HS6ST3: variants seen among roughly 807,000 people sequenced by gnomAD.
The protein encoded by HS6ST3 is heparan sulfate 6-O-sulfotransferase 3.
Under a neutral mutation model 36.7 loss-of-function variants are expected in HS6ST3, and 12 were observed. That is an observed-to-expected ratio of 0.33 (90% CI 0.21 to 0.53). HS6ST3 has a LOEUF of 0.53. Ranked by LOEUF, HS6ST3 falls within the 20% of genes least tolerant of loss-of-function variation. The pLI, the probability that HS6ST3 is intolerant of heterozygous loss-of-function variation, is 0.95. For synonymous variants in HS6ST3, 240 were observed against 257.5 expected (o/e 0.93, Z 0.65); for missense variants, 584 against 640.9 (o/e 0.91, Z 0.96).
chr13:96,361,243 A>G (rs1416279471), intron 1 of HS6ST3, among the ~76,000 whole-genome samples: 3 of 152,188 alleles, frequency 2.0e-5, no homozygotes, highest in Admixed American at 6.5e-5. Flanking sequence ...AGTAACTGAC[A>G]TGGCTCATCC....
intron 1 of HS6ST3, among the ~76,000 whole-genome samples, chr13:96,158,371 A>G (rs2054119812): frequency 1.3e-5 from 2 of 152,084 alleles, no homozygotes; most frequent in African/African-American, 4.8e-5. Flanking sequence ...TAGGAGAGAG[A>G]AAGTAGAGGG....
chr13:96,562,918 G>A (rs1328153317), intron 1 of HS6ST3, among the ~76,000 whole-genome samples: 1 of 151,820 alleles, frequency 6.6e-6, no homozygotes, highest in Non-Finnish European at 1.5e-5. Flanking sequence ...AAAGAAAGCA[G>A]CAAATGCTGA....
intron 1 of HS6ST3, among the ~76,000 whole-genome samples, chr13:96,356,200 C>T (rs2055209298): frequency 6.6e-6 from 1 of 152,200 alleles, no homozygotes. Context: ...AAGGCTTGAA[C>T]CCTTCAAAGT....
intron 1 of HS6ST3, among the ~76,000 whole-genome samples, chr13:96,286,228 G>C (rs563529427): frequency 1.3e-5 from 2 of 151,996 alleles, no homozygotes; most frequent in Non-Finnish European, 2.9e-5. Flanking sequence ...TAGGCAGTTC[G>C]TTCTCCCCTT....
intron 1 of HS6ST3, among the ~76,000 whole-genome samples, chr13:96,645,225 G>A (rs2056584785): frequency 6.6e-6 from 1 of 151,946 alleles, no homozygotes; most frequent in African/African-American, 2.4e-5. Context: ...ACTAAAGCCA[G>A]TTGTGTTCTT....
chr13:96,095,835 C>T (rs1057138826), intron 1 of HS6ST3, among the ~76,000 whole-genome samples: 1 of 147,888 alleles, frequency 6.8e-6, no homozygotes, highest in African/African-American at 2.5e-5. Context: ...TCTGACTCAC[C>T]TTGTATCACA....
chr13:96,127,814 G>T (rs1481292350), intron 1 of HS6ST3, among the ~76,000 whole-genome samples: 1 of 152,164 alleles, frequency 6.6e-6, no homozygotes, highest in African/African-American at 2.4e-5. Context: ...GTGCTCATTG[G>T]TTGCTTAGGA....
intron 1 of HS6ST3, among the ~76,000 whole-genome samples, chr13:96,489,397 CACACACATAT>C (rs1270331934): frequency 6.6e-6 from 1 of 151,736 alleles, no homozygotes; most frequent in Non-Finnish European, 1.5e-5. Flanking sequence ...CACACACACA[CACACACATAT>C]AGTTTTTTTC....
intron 1 of HS6ST3, among the ~76,000 whole-genome samples, chr13:96,608,101 G>T (rs747189219): frequency 6.6e-6 from 1 of 152,086 alleles, no homozygotes; most frequent in East Asian, 1.9e-4. Context: ...AAATCTTTGC[G>T]TTCATAATGA....
At chr13:96,321,123 T>A (rs370590999) in intron 1 of HS6ST3, among the ~76,000 whole-genome samples, 1 of 152,134 alleles carries the variant, frequency 6.6e-6, no homozygotes, top group African/African-American at 2.4e-5. Context: ...TCAACTTTTT[T>A]TTTTTAAAAG....
intron 1 of HS6ST3, among the ~76,000 whole-genome samples, chr13:96,426,682 G>A (rs1594777679): frequency 1.3e-5 from 2 of 152,224 alleles, no homozygotes; most frequent in African/African-American, 4.8e-5. Context: ...ATTTATCTCT[G>A]GAGTCAACTG....
chr13:96,750,453 G>A (rs1292065877), intron 1 of HS6ST3, among the ~76,000 whole-genome samples: 3 of 152,216 alleles, frequency 2.0e-5, no homozygotes, highest in Non-Finnish European at 4.4e-5. Flanking sequence ...TGTATTTGTA[G>A]TGAAGCGAAG....
At chr13:96,382,922 A>G (rs2055348463) in intron 1 of HS6ST3, among the ~76,000 whole-genome samples, 2 of 152,226 alleles carry the variant, frequency 1.3e-5, no homozygotes, top group African/African-American at 4.8e-5. Context: ...TATATCAAAG[A>G]GAAAAAATAC....
At chr13:96,369,958 A>G (rs1020861684) in intron 1 of HS6ST3, among the ~76,000 whole-genome samples, 1 of 152,058 alleles carries the variant, frequency 6.6e-6, no homozygotes, top group African/African-American at 2.4e-5. Flanking sequence ...GAGTTAGTGG[A>G]TGGCTTGAAG....
In HS6ST3 at chr13:96,623,237, A is replaced by C. The variant is rs552115667; in HGVS notation, c.708-209253A>C. The stretch of plus-strand genomic sequence containing the variant: ...AAGAATCAGGGTAAAGATTCAGACC[A>C]TGAGTCTATGTGACAGCATATCTGT... On this transcript the variant is annotated intron_variant, in intron 1 of 1. Coordinates refer to ENST00000376705, the MANE Select transcript of HS6ST3 (RefSeq NM_153456.4). Among the ~76,000 whole-genome samples, 5 of 152,282 alleles carry C rather than the reference A, an allele frequency of 3.3e-5. No homozygotes were observed. The South Asian group carries it at 1.0e-3, about 32-fold the overall frequency.
intron 1 of HS6ST3, among the ~76,000 whole-genome samples, chr13:96,831,211 A>G (rs568704027): frequency 3.3e-5 from 5 of 152,166 alleles, no homozygotes; most frequent in Admixed American, 3.3e-4. Context: ...CCTGATCTCT[A>G]TGTGATTCTT....
At chr13:96,685,022 A>G (rs938939782) in intron 1 of HS6ST3, among the ~76,000 whole-genome samples, 1 of 152,164 alleles carries the variant, frequency 6.6e-6, no homozygotes, top group Non-Finnish European at 1.5e-5. Context: ...AAAGATATAA[A>G]GTAAAAAAAG....
intron 1 of HS6ST3, among the ~76,000 whole-genome samples, chr13:96,395,297 C>T (rs962597140): frequency 1.3e-5 from 2 of 152,284 alleles, no homozygotes; most frequent in East Asian, 1.9e-4. Flanking sequence ...TGAGATTGTT[C>T]CTATTTTGTA....
At chr13:96,253,714 T>C (rs2054618561) in intron 1 of HS6ST3, among the ~76,000 whole-genome samples, 1 of 152,214 alleles carries the variant, frequency 6.6e-6, no homozygotes, top group Admixed American at 6.5e-5. Context: ...CACTAGTGAA[T>C]AAATTATTTT....
Sources: allele counts gnomAD v4.1 joint callset (sites outside exome capture counted in the v4.1 genomes callset), GRCh38; gene constraint gnomAD v4.1.1; transcripts MANE v1.5; gene names NCBI Gene and HGNC (gene_info 2026-07-23, HGNC 2026-07-21).